The following AGK variants were observed in gnomAD, a reference collection of about 807,000 sequenced individuals.
The protein encoded by AGK is acylglycerol kinase, mitochondrial.
Under a neutral mutation model 66.4 loss-of-function variants are expected in AGK, and 52 were observed. The ratio of observed to expected loss-of-function variants is 0.78; its 90% CI spans 0.63 to 0.99. The LOEUF (loss-of-function observed/expected upper bound fraction) is 0.99. Ranked by LOEUF, AGK falls within the 50% of genes least tolerant of loss-of-function variation. The probability of loss-of-function intolerance (pLI) is 0.00; values close to 1 mark genes in which losing one functional copy is unlikely to be tolerated. For missense variants in AGK, 451 were observed against 506.6 expected (o/e 0.89, Z 1.05); for synonymous variants, 182 against 181.1 (o/e 1.00, Z -0.04).
chr7:141,563,195 T>G (rs1795389855), intron 2 of AGK, among the ~76,000 whole-genome samples: 1 of 152,232 alleles, frequency 6.6e-6, no homozygotes, highest in African/African-American at 2.4e-5. Context: ...CACAGTGTGA[T>G]TCTCCACACA....
At chr7:141,573,268 T>C (rs554800503) in intron 2 of AGK, among the ~76,000 whole-genome samples, 2 of 152,218 alleles carry the variant, frequency 1.3e-5, no homozygotes, top group African/African-American at 4.8e-5. Context: ...GGAACATTTT[T>C]AAATTTTTAT....
In AGK at chr7:141,641,275, A is replaced by G. The variant is rs1339170140; in HGVS notation, c.754A>G (p.Ile252Val). 1.2e-6 allele frequency: 2 copies of G among 1,613,792 alleles called. No individual in the cohort carries two copies. Among genetic ancestry groups the G allele is most frequent in the East Asian group, 2.2e-5 (1 of 44,886 alleles). ...KEWPQTHQAS[I>V]SYTGPTERPP... ...GTGGCCTCAGACTCATCAAGCCTCT[A>G]TCTCATACACGGGACCTACAGAGAG... is the stretch of plus-strand genomic sequence containing the variant. The change falls in exon 12 of 16, where the codon ATC (isoleucine) becomes GTC (valine). Residue 252 changes from isoleucine to valine, a missense_variant. Transcript: ENST00000649286.
rs747232541 is a variant in AGK, at chr7:141,615,552, G to A, written c.505G>A (p.Gly169Arg). ...GAGTCATACCCTCTTTGCCGAAAGTGGAAACAAAGTCCAGTAGGTTGTCAA... is the reference window on the plus strand; with the variant it reads ...GAGTCATACCCTCTTTGCCGAAAGTAGAAACAAAGTCCAGTAGGTTGTCAA... ...SLSHTLFAES[G>R]NKVQHITDAT... The change falls in exon 8 of 16, where the codon GGA becomes AGA. Residue 169 changes from glycine (G) to arginine (R), a missense_variant. Physicochemically the swap from Gly to Arg is moderately radical, Grantham distance 125 (BLOSUM62 -2). Coordinates refer to ENST00000649286, the MANE Select transcript of AGK (RefSeq NM_018238.4). 14 of 1,613,492 alleles carry A rather than the reference G, an allele frequency of 8.7e-6. No homozygotes were observed. Among genetic ancestry groups the A allele is most frequent in the Non-Finnish European group, 1.2e-5 (14 of 1,179,482 alleles).
intron 9 of AGK, among the ~76,000 whole-genome samples, chr7:141,626,259 C>G (rs181275449): frequency 8.5e-5 from 13 of 152,254 alleles, no homozygotes; most frequent in Non-Finnish European, 1.9e-4. Flanking sequence ...GGATCATAAG[C>G]CTTAAAAATG....
chr7:141,648,187 G>C (rs1797464233), intron 13 of AGK, among the ~76,000 whole-genome samples: 1 of 152,094 alleles, frequency 6.6e-6, no homozygotes, highest in Non-Finnish European at 1.5e-5. Context: ...TCCTTGCTCT[G>C]CTTCTTTGAT....
intron 9 of AGK, among the ~76,000 whole-genome samples, chr7:141,624,949 T>A (rs1208193911): frequency 6.6e-6 from 1 of 152,166 alleles, no homozygotes; most frequent in Non-Finnish European, 1.5e-5. Context: ...GCTGTCTTAT[T>A]TTAAGAAATG....
At chr7:141,557,608 A>T (rs1366219103) in intron 2 of AGK, among the ~76,000 whole-genome samples, 6 of 152,174 alleles carry the variant, frequency 3.9e-5, no homozygotes, top group Admixed American at 2.0e-4. Context: ...TAGCCTTGAG[A>T]CCTTAAAAAA....
At position 141,641,869 on chromosome 7, in the gene AGK, A is replaced by G; in HGVS notation, c.936A>G (p.Glu312=). ...AAGATGTGCAGCTGTCCACCATTGA[A>G]CTGTCCATCACAACACGGAATAATC... is the stretch of plus-strand genomic sequence containing the variant. ...VWKDVQLSTI[E]LSITTRNNQL... Residue 312 remains glutamate, a synonymous_variant, in exon 13 of 16, where the codon GAA becomes GAG. Coordinates refer to ENST00000649286, the MANE Select transcript of AGK (RefSeq NM_018238.4). 1.3e-6 allele frequency: 2 copies of G among 1,585,592 alleles called. No homozygotes were observed. The highest frequency in any genetic ancestry group is 8.6e-7 in the Non-Finnish European group (1 of 1,165,298).
chr7:141,645,163 A>G (rs539083574), intron 13 of AGK, among the ~76,000 whole-genome samples: 2 of 152,214 alleles, frequency 1.3e-5, no homozygotes, highest in East Asian at 3.9e-4. Context: ...TTTCTACAAT[A>G]TTGACTCCTC....
chr7:141,650,766 T>C (rs1169003350), intron 14 of AGK: 2 of 807,628 alleles, frequency 2.5e-6, no homozygotes, highest in Non-Finnish European at 3.0e-6. Context: ...CACGGTATCC[T>C]TGGGGTATTG....
chr7:141,616,603 G>A (rs1796705411), intron 8 of AGK, among the ~76,000 whole-genome samples: 2 of 151,848 alleles, frequency 1.3e-5, no homozygotes, highest in South Asian at 2.1e-4. Flanking sequence ...AAAACACTAG[G>A]CATACACACA....
chr7:141,586,026 G>A (rs754711751), intron 2 of AGK, among the ~76,000 whole-genome samples: 2 of 151,830 alleles, frequency 1.3e-5, no homozygotes, highest in Non-Finnish European at 2.9e-5. Flanking sequence ...TGGTTGGCTT[G>A]GAAATGAGGT....
rs747244579 is a variant in AGK, at chr7:141,621,775, G to A, written c.562G>A (p.Val188Ile). The stretch of plus-strand genomic sequence containing the variant: ...ACTTGCCATTGTGAAAGGAGAGACA[G>A]TTCCACTTGATGTCTTGCAGATCAA... The part of the protein sequence containing the change: ...ATLAIVKGET[V>I]PLDVLQIKGE... The change falls in exon 9 of 16, where the codon GTT (valine) becomes ATT (isoleucine). Residue 188 changes from valine (V) to isoleucine (I), a missense_variant. Transcript: ENST00000649286. 8 of 1,613,316 alleles carry A rather than the reference G, an allele frequency of 5.0e-6. No homozygotes were observed. The East Asian group carries it at 1.3e-4, about 27-fold the overall frequency.
At chr7:141,641,647 T>C (rs558177924) in intron 12 of AGK, among the ~76,000 whole-genome samples, 164 bp from the exon 13 acceptor site, 1 of 152,300 alleles carries the variant, frequency 6.6e-6, no homozygotes, top group African/African-American at 2.4e-5. Flanking sequence ...GGCACAGAGA[T>C]GCCATTTTTA....
At chr7:141,574,485 T>A (rs577939386) in intron 2 of AGK, among the ~76,000 whole-genome samples, 4 of 152,142 alleles carry the variant, frequency 2.6e-5, no homozygotes, top group African/African-American at 7.2e-5. Context: ...AATAGAAAAA[T>A]TTCATGTTCT....
intron 2 of AGK, among the ~76,000 whole-genome samples, chr7:141,561,488 A>T (rs1345879988): frequency 6.2e-5 from 9 of 144,850 alleles, no homozygotes; most frequent in African/African-American, 2.0e-4. Flanking sequence ...GTATCTCATT[A>T]TTTTTTTTAA....
At chr7:141,639,810 C>G (rs1797249408) in intron 11 of AGK, among the ~76,000 whole-genome samples, 1 of 152,100 alleles carries the variant, frequency 6.6e-6, no homozygotes, top group African/African-American at 2.4e-5. Context: ...TAATACTCAG[C>G]AGGAGTATCA....
intron 14 of AGK, chr7:141,650,829 A>G (rs1372756691): frequency 9.0e-6 from 2 of 221,150 alleles, no homozygotes; most frequent in South Asian, 3.2e-4. Context: ...AGCCCCTTCT[A>G]TATAGTGGCA....
intron 15 of AGK, 102 bp from the exon 16 acceptor site, chr7:141,652,685 G>A (rs1797590363): frequency 7.8e-7 from 1 of 1,276,122 alleles, no homozygotes; most frequent in Non-Finnish European, 1.1e-6. Context: ...AAGAGAGGAT[G>A]TTGTTTTCCA....
Sources: allele counts gnomAD v4.1 joint callset (sites outside exome capture counted in the v4.1 genomes callset), GRCh38; gene constraint gnomAD v4.1.1; transcripts MANE v1.5; gene names NCBI Gene and HGNC (gene_info 2026-07-23, HGNC 2026-07-21).